TRMT61B: variants seen among roughly 807,000 people sequenced by gnomAD.
TRMT61B encodes the protein tRNA (adenine(58)-N(1))-methyltransferase, mitochondrial.
A neutral mutation model predicts 52.0 loss-of-function variants in TRMT61B; 56 were observed. The ratio of observed to expected loss-of-function variants is 1.08; its 90% confidence interval spans 0.87 to 1.35. The LOEUF is 1.35. TRMT61B is among the 40% of genes most tolerant of loss of function. The pLI, the probability that TRMT61B is intolerant of heterozygous loss-of-function variation, is 0.00. For synonymous variants in TRMT61B, 206 were observed against 220.0 expected (o/e 0.94, Z 0.56); for missense variants, 650 against 577.9 (o/e 1.12, Z -1.28).
chr2:28,869,623 A>C lies in TRMT61B; in HGVS notation c.655T>G (p.Tyr219Asp). Reference protein sequence around the residue: ...YMLRRPALEDYVVLMKRGTAI... With the variant: ...YMLRRPALEDDVVLMKRGTAI... ...GTCCCTCTTTTCATCAATACTACAT[A>C]GTCTTCCAAGGCTGGCCTCCTCAGC... The change falls in exon 1 of 7, where the codon TAT (tyrosine) becomes GAT (aspartate). Residue 219 changes from tyrosine (Y) to aspartate (D), a missense_variant. Tyr to Asp is a radical substitution (Grantham distance 160). Coordinates refer to ENST00000306108, the MANE Select transcript of TRMT61B (RefSeq NM_017910.4). The C allele has an allele frequency of 6.2e-7, 1 of 1,614,044 alleles. No homozygotes were observed. The highest frequency in any genetic ancestry group is 8.5e-7 in the Non-Finnish European group (1 of 1,179,970).
At chr2:28,860,272 C>CAAAAAAAAAAAAAAAAAAAAAAAAAAAA (rs540569211) in intron 3 of TRMT61B, among the ~76,000 whole-genome samples, 1 of 24,476 alleles carries the variant, frequency 4.1e-5, no homozygotes, top group African/African-American at 1.1e-4. Context: ...ACTCTGTTGC[C>CAAAAAAAAAAAAAAAAAAAAAAAAAAAA]AAAAAAAAAA....
intron 2 of TRMT61B, among the ~76,000 whole-genome samples, chr2:28,862,386 G>A (rs1669645635): frequency 7.4e-6 from 1 of 135,724 alleles, no homozygotes; most frequent in South Asian, 2.5e-4. Flanking sequence ...AGGTTGGAGT[G>A]CGGTGGTGCA....
At chr2:28,862,901 T>C (rs1249544688) in intron 2 of TRMT61B, among the ~76,000 whole-genome samples, 3 of 147,970 alleles carry the variant, frequency 2.0e-5, no homozygotes, top group Admixed American at 6.8e-5. Flanking sequence ...TGTGTGTGTA[T>C]GTGAAGAACT....
chr2:28,869,480 A>G, intron 1 of TRMT61B, 99 bp downstream of exon 1: 1 of 807,314 alleles, frequency 1.2e-6, no homozygotes, highest in Non-Finnish European at 2.0e-6. Context: ...AAAAATCCAA[A>G]CGTTCTGAGA....
intron 3 of TRMT61B, among the ~76,000 whole-genome samples, chr2:28,856,731 T>C (rs1455384158): frequency 6.6e-6 from 1 of 152,110 alleles, no homozygotes; most frequent in Non-Finnish European, 1.5e-5. Flanking sequence ...GCCTCCCGGT[T>C]TCCAGAGATT....
At chr2:28,851,573 G>A (rs1259901639) in intron 4 of TRMT61B, among the ~76,000 whole-genome samples, 4 of 152,152 alleles carry the variant, frequency 2.6e-5, no homozygotes, top group African/African-American at 9.7e-5. Flanking sequence ...TACTATTTAT[G>A]TAAAAAATGA....
intron 1 of TRMT61B, among the ~76,000 whole-genome samples, chr2:28,867,516 TC>T (rs368420433): frequency 7.2e-4 from 109 of 152,302 alleles, no homozygotes; most frequent in African/African-American, 2.5e-3. Context: ...AGTAAAACTA[TC>T]TCCAGCCATT....
Position 28,849,910 on chromosome 2 carries a change from C to T in TRMT61B, c.*289G>A. 1 of 1,595,642 alleles carries T rather than the reference C, an allele frequency of 6.3e-7. No individual in the cohort carries two copies. Among genetic ancestry groups the T allele is most frequent in the Non-Finnish European group, 8.5e-7 (1 of 1,174,746 alleles). On this transcript the variant is annotated 3_prime_UTR_variant, in exon 7 of 7. Transcript: ENST00000306108. ...ACTAATTTCTTGAAGAAAGACAAAT[C>T]TATGGAGTGGTTTACAGGAAGTGAA...
chr2:28,869,000 T>G (rs1236576797), intron 1 of TRMT61B, among the ~76,000 whole-genome samples: 1 of 152,108 alleles, frequency 6.6e-6, no homozygotes, highest in East Asian at 1.9e-4. Context: ...TGAGAACTTG[T>G]CTTAAAAAAA....
chr2:28,857,398 A>G (rs1293943990), intron 3 of TRMT61B, among the ~76,000 whole-genome samples: 4 of 152,148 alleles, frequency 2.6e-5, no homozygotes, highest in Non-Finnish European at 4.4e-5. Flanking sequence ...AATTCAGAGG[A>G]AGGTAATAAT....
intron 1 of TRMT61B, 74 bp downstream of exon 1, chr2:28,869,505 T>G: frequency 9.9e-7 from 1 of 1,011,172 alleles, no homozygotes; most frequent in Non-Finnish European, 1.5e-6. Context: ...TTTGAATACA[T>G]TAATCAGGAC....
In TRMT61B at chr2:28,849,923, T is replaced by C. The variant is rs769074487; in HGVS notation, c.*276A>G. The C allele has an allele frequency of 2.5e-6, 4 of 1,593,324 alleles. No homozygotes were observed. The East Asian group carries it at 9.0e-5, about 36-fold the overall frequency. The stretch of plus-strand genomic sequence containing the variant: ...AGAAAGACAAATCTATGGAGTGGTT[T>C]ACAGGAAGTGAAGAATGAGATGGCC... On this transcript the variant is annotated 3_prime_UTR_variant, in exon 7 of 7. Transcript: ENST00000306108.
intron 1 of TRMT61B, among the ~76,000 whole-genome samples, chr2:28,868,860 C>A (rs145833595): frequency 1.3e-5 from 2 of 152,100 alleles, no homozygotes; most frequent in African/African-American, 4.8e-5. Flanking sequence ...AAAAATTAGC[C>A]CGGGGTGGTG....
At chr2:28,856,302 G>C (rs1416230974) in intron 3 of TRMT61B, among the ~76,000 whole-genome samples, 3 of 152,122 alleles carry the variant, frequency 2.0e-5, no homozygotes, top group African/African-American at 7.2e-5. Flanking sequence ...TCTACCTCCA[G>C]TGTTTCTGAA....
At chr2:28,863,585 G>C (rs1486846695) in intron 2 of TRMT61B, among the ~76,000 whole-genome samples, 1 of 152,054 alleles carries the variant, frequency 6.6e-6, no homozygotes, top group Non-Finnish European at 1.5e-5. Context: ...TAGAAATATA[G>C]GCACTTATCT....
intron 1 of TRMT61B, among the ~76,000 whole-genome samples, chr2:28,866,981 T>C (rs931347678): frequency 2.0e-5 from 3 of 151,716 alleles, no homozygotes; most frequent in Non-Finnish European, 4.4e-5. Context: ...TTATTTTTTA[T>C]AAAGATGGGG....
rs114416873 is a variant in TRMT61B at position 28,859,597 on chromosome 2, C to T, written c.993+1521G>A. Among the ~76,000 whole-genome samples, 640 of 151,776 alleles carry T rather than the reference C, an allele frequency of 4.2e-3. 5 individuals carry two copies. The highest frequency in any genetic ancestry group is 0.015 in the African/African-American group (605 of 41,322). The stretch of plus-strand genomic sequence containing the variant: ...TATAACTCTCCCCCAGCAGCTGACA[C>T]CCCCTCTCCTTCTCTATTCCCTCAT... On this transcript the variant is annotated intron_variant, in intron 3 of 6. Coordinates refer to ENST00000306108, the MANE Select transcript of TRMT61B (RefSeq NM_017910.4).
rs768857647 is a variant in TRMT61B at position 28,851,318 on chromosome 2, T to C, written c.1086-20A>G. 9 of 1,500,176 alleles carry C rather than the reference T, an allele frequency of 6.0e-6. No homozygotes were observed. The South Asian group carries it at 8.6e-5, about 14-fold the overall frequency. The allele number at this position is 1,500,176 out of a possible 1,614,324, so 92.9% of individuals were successfully genotyped here. A position where few individuals can be genotyped will look rare whatever the true frequency, so the allele number is the denominator to read the frequency against. On this transcript the variant is annotated intron_variant, in intron 4 of 6. Coordinates refer to ENST00000306108, the MANE Select transcript of TRMT61B (RefSeq NM_017910.4). ...GTGATGCTTTCAGAAAAGTGAAAAA[T>C]TTACATTTCTACTAAAATAATAACA...
At chr2:28,861,391 CATGT>C in intron 2 of TRMT61B, 83 bp from the exon 3 acceptor site, 3 of 1,073,788 alleles carry the variant, frequency 2.8e-6, no homozygotes, top group Non-Finnish European at 3.8e-6. Flanking sequence ...AAAGGTACTA[CATGT>C]ATGTGAAAAA....
Sources: gnomAD v4.1 joint callset for allele counts (sites outside exome capture counted in the v4.1 genomes callset) on GRCh38, gnomAD v4.1.1 for gene constraint, MANE v1.5 for transcripts, NCBI Gene and HGNC (gene_info 2026-07-23, HGNC 2026-07-21) for gene names.